The following ZNF254 variants were observed in gnomAD, a reference collection of about 807,000 sequenced individuals.
The protein encoded by ZNF254 is zinc finger protein 254.
Under a neutral mutation model 12.4 loss-of-function variants are expected in ZNF254, and 10 were observed. The ratio of observed to expected loss-of-function variants is 0.80; its 90% confidence interval spans 0.50 to 1.36. The LOEUF (loss-of-function observed/expected upper bound fraction) is 1.36. Ranked by LOEUF, ZNF254 falls within the 40% of genes most tolerant of loss-of-function variation. The pLI, the probability that ZNF254 is intolerant of heterozygous loss-of-function variation, is 0.00. For synonymous variants in ZNF254, 305 were observed against 253.4 expected (o/e 1.20, Z -1.93); for missense variants, 996 against 763.9 (o/e 1.30, Z -3.58).
Position 24,055,232 on chromosome 19 carries a change from A to AAAAAG in ZNF254, c.-94+8953_-94+8954insAAAAG, listed in dbSNP as rs1555753129. On this transcript the variant is annotated intron_variant, in intron 2 of 4. Coordinates refer to the ZNF254 transcript ENST00000613065. The stretch of plus-strand genomic sequence containing the variant: ...AAAAAAAAAAAAAAAAAAAAAAAAA[A>AAAAAG]GAGTGTACTAACAAGACCCAGCACA... Among the ~76,000 whole-genome samples the AAAAAG allele has an allele frequency of 2.9e-4, 35 of 122,632 alleles. 3 individuals are homozygous for AAAAAG. Among genetic ancestry groups the AAAAAG allele is most frequent in the South Asian group, 1.2e-3 (4 of 3,422 alleles). The allele number at this position is 122,632 out of a possible 152,430, so 80.5% of individuals were successfully genotyped here.
chr19:24,041,404 C>G (rs575469069), intron 1 of ZNF254, among the ~76,000 whole-genome samples: 7 of 152,364 alleles, frequency 4.6e-5, no homozygotes, highest in Non-Finnish European at 8.8e-5. Flanking sequence ...GCCCCACACT[C>G]GGAGCAGCCA....
intron 1 of ZNF254, among the ~76,000 whole-genome samples, chr19:24,102,327 A>G (rs1171329498): frequency 6.7e-6 from 1 of 149,862 alleles, no homozygotes; most frequent in African/African-American, 2.5e-5. Context: ...TTAGTATGTG[A>G]TATGAAATTA....
intron 2 of ZNF254, among the ~76,000 whole-genome samples, chr19:24,081,203 C>T (rs879630804): frequency 4.4e-4 from 67 of 152,248 alleles, no homozygotes; most frequent in Non-Finnish European, 7.5e-4. Flanking sequence ...CCATAGATGC[C>T]ATTTTACATA....
intron 2 of ZNF254, among the ~76,000 whole-genome samples, chr19:24,069,528 C>T (rs1490925536): frequency 1.3e-5 from 2 of 148,436 alleles, no homozygotes; most frequent in African/African-American, 2.5e-5. Flanking sequence ...TTGCTTGAAC[C>T]CAGGAGGCAG....
intron 2 of ZNF254, among the ~76,000 whole-genome samples, chr19:24,057,360 T>C (rs911618115): frequency 1.1e-4 from 16 of 152,176 alleles, no homozygotes; most frequent in African/African-American, 3.9e-4. Flanking sequence ...GCCTAGCTTA[T>C]AGGGAGGTAA....
rs1262577232 is a variant in ZNF254, at chr19:24,128,827, C to T, written c.*847C>T. On this transcript the variant is annotated 3_prime_UTR_variant, in exon 4 of 4. Coordinates refer to ENST00000357002, the MANE Select transcript of ZNF254 (RefSeq NM_203282.4). Reference sequence around the variant, plus strand: ...AATAATACAAACAGATTTGTCTAAACATTTGTATATAACTTTAAAAATAGA... The same window carrying T: ...AATAATACAAACAGATTTGTCTAAATATTTGTATATAACTTTAAAAATAGA... The T allele has an allele frequency of 6.6e-6, 1 of 151,892 alleles. No individual in the cohort carries two copies. 9.4% of individuals were successfully genotyped at this position (151,892 alleles called of 1,614,324 possible). A position where few individuals can be genotyped will look rare whatever the true frequency, so the allele number is the denominator to read the frequency against.
chr19:24,106,995 TC>T (rs1973383648), intron 3 of ZNF254: 1 of 447,608 alleles, frequency 2.2e-6, no homozygotes, highest in Admixed American at 4.0e-5. Flanking sequence ...TTTTTTAAGT[TC>T]TCTTTTTGCA....
chr19:24,054,353 A>G (rs556462527), intron 2 of ZNF254, among the ~76,000 whole-genome samples: 1 of 152,306 alleles, frequency 6.6e-6, no homozygotes, highest in Non-Finnish European at 1.5e-5. Flanking sequence ...TACTATAGTC[A>G]GCTTATAAGT....
intron 3 of ZNF254, among the ~76,000 whole-genome samples, chr19:24,113,889 T>C (rs996947372): frequency 1.3e-5 from 2 of 151,578 alleles, no homozygotes; most frequent in Admixed American, 6.6e-5. Context: ...TATACACCAA[T>C]AACAGAGAGC....
At position 24,127,803 on chromosome 19, in the gene ZNF254, C is replaced by T. The variant is rs1245701139; in HGVS notation, c.1803C>T (p.Pro601=). 4.3e-6 allele frequency: 7 copies of T among 1,612,532 alleles called. No homozygotes were observed. The highest frequency in any genetic ancestry group is 2.7e-5 in the African/African-American group (2 of 74,814). Residue 601 remains proline, a synonymous_variant, in exon 4 of 4, where the codon CCC becomes CCT. Transcript: ENST00000357002. ...KHKVIHTGVK[P]YKCEECGKAF... is the part of the protein sequence containing the mutation. ...AGGTAATTCATACTGGAGTAAAACC[C>T]TACAAATGTGAAGAATGTGGCAAAG...
intron 1 of ZNF254, chr19:24,104,614 T>A (rs986570671): frequency 6.6e-6 from 1 of 152,092 alleles, no homozygotes; most frequent in African/African-American, 2.4e-5. Context: ...GTCTGAAAAA[T>A]TTTTCTATAT....
chr19:24,111,878 A>G (rs1391755698), intron 3 of ZNF254, among the ~76,000 whole-genome samples: 1 of 151,450 alleles, frequency 6.6e-6, no homozygotes, highest in East Asian at 2.0e-4. Flanking sequence ...GGTTGCGAAA[A>G]TTTTCTCCCA....
chr19:24,071,103 C>G (rs1320726973), intron 2 of ZNF254, among the ~76,000 whole-genome samples: 1 of 152,044 alleles, frequency 6.6e-6, no homozygotes, highest in Non-Finnish European at 1.5e-5. Flanking sequence ...GAAGAAGCTC[C>G]CCTATGCAGA....
At chr19:24,041,511 G>A (rs1245777316) in intron 1 of ZNF254, among the ~76,000 whole-genome samples, 3 of 152,256 alleles carry the variant, frequency 2.0e-5, no homozygotes, top group Admixed American at 2.0e-4. Context: ...GCCCACCGGC[G>A]CTACGCTCGA....
chr19:24,074,291 T>C (rs544111578), intron 2 of ZNF254, among the ~76,000 whole-genome samples: 1 of 152,318 alleles, frequency 6.6e-6, no homozygotes, highest in East Asian at 1.9e-4. Flanking sequence ...AGCATCGAGC[T>C]GAAGTGACTC....
At chr19:24,040,858 T>C (rs1373506311) in intron 1 of ZNF254, among the ~76,000 whole-genome samples, 1 of 152,204 alleles carries the variant, frequency 6.6e-6, no homozygotes, top group East Asian at 1.9e-4. Flanking sequence ...TAACAAAAAG[T>C]ATTTGTGTTG....
At chr19:24,093,567 G>A (rs1027604582) in intron 1 of ZNF254, among the ~76,000 whole-genome samples, 1 of 152,022 alleles carries the variant, frequency 6.6e-6, no homozygotes, top group African/African-American at 2.4e-5. Context: ...CATTTCTATT[G>A]TCACCTTTGT....
intron 1 of ZNF254, among the ~76,000 whole-genome samples, chr19:24,043,928 G>A (rs1233647067): frequency 6.6e-6 from 1 of 152,180 alleles, no homozygotes; most frequent in East Asian, 1.9e-4. Flanking sequence ...TAAATTTCAA[G>A]TCAGATAAAT....
At chr19:24,125,265 G>T (rs762183675) in intron 3 of ZNF254, among the ~76,000 whole-genome samples, 30 of 103,056 alleles carry the variant, frequency 2.9e-4, no homozygotes, top group Admixed American at 5.5e-4. Flanking sequence ...GTTTTTTTGT[G>T]TATATTTTAT....
Sources: gnomAD v4.1 joint callset for allele counts (sites outside exome capture counted in the v4.1 genomes callset) on GRCh38, gnomAD v4.1.1 for gene constraint, MANE v1.5 for transcripts, NCBI Gene and HGNC (gene_info 2026-07-23, HGNC 2026-07-21) for gene names.